SEMA3A: variants seen among roughly 807,000 people sequenced by gnomAD.
SEMA3A encodes semaphorin-3A.
A neutral mutation model predicts 97.9 loss-of-function variants in SEMA3A; 29 were observed. The observed-to-expected ratio is 0.30, with a 90% CI of 0.22 to 0.40. The LOEUF is 0.40. Ranked by LOEUF, SEMA3A falls within the 10% of genes least tolerant of loss-of-function variation. The probability of loss-of-function intolerance (pLI) is 1.00; values close to 1 mark genes in which losing one functional copy is unlikely to be tolerated. For synonymous variants in SEMA3A, 321 were observed against 323.7 expected (o/e 0.99, Z 0.09); for missense variants, 763 against 951.3 (o/e 0.80, Z 2.60).
chr7:84,480,839 A>T (rs981428142), intron 1 of SEMA3A, among the ~76,000 whole-genome samples: 1 of 152,224 alleles, frequency 6.6e-6, no homozygotes, highest in East Asian at 1.9e-4. Context: ...AGTATTAAAT[A>T]GGATGAGTGT....
intron 1 of SEMA3A, among the ~76,000 whole-genome samples, chr7:84,490,058 GA>G (rs1485291256): frequency 6.6e-6 from 1 of 151,576 alleles, no homozygotes; most frequent in African/African-American, 2.4e-5. Flanking sequence ...CATAATACAT[GA>G]AAAAATTGTA....
At chr7:84,361,060 A>G (rs549975) in intron 2 of SEMA3A, among the ~76,000 whole-genome samples, 43,505 of 151,806 alleles carry the variant, frequency 0.29, 6,674 homozygotes, top group African/African-American at 0.38. Flanking sequence ...TCTGTTGAAT[A>G]CTTGAAAATG....
At chr7:84,113,657 T>C (rs1054460089) in intron 3 of SEMA3A, among the ~76,000 whole-genome samples, 2 of 152,178 alleles carry the variant, frequency 1.3e-5, no homozygotes, top group African/African-American at 4.8e-5. Context: ...TTTCAAACCT[T>C]GATCCTTTTT....
At chr7:84,488,224 C>T (rs1283160478) in intron 1 of SEMA3A, among the ~76,000 whole-genome samples, 1 of 151,648 alleles carries the variant, frequency 6.6e-6, no homozygotes, top group Non-Finnish European at 1.5e-5. Flanking sequence ...ATGTTTTTCA[C>T]TAGAGAGACA....
chr7:84,410,108 T>C (rs1804219631), intron 1 of SEMA3A, among the ~76,000 whole-genome samples: 1 of 152,058 alleles, frequency 6.6e-6, no homozygotes, highest in Admixed American at 6.6e-5. Context: ...AGACTGTTAA[T>C]TGTTTTGTTC....
chr7:84,286,429 G>GT (rs1277102335), intron 3 of SEMA3A, among the ~76,000 whole-genome samples: 1 of 152,088 alleles, frequency 6.6e-6, no homozygotes, highest in Non-Finnish European at 1.5e-5. Context: ...TGACAATGTT[G>GT]TATCTAAAAT....
intron 7 of SEMA3A, among the ~76,000 whole-genome samples, chr7:84,011,806 G>C (rs74483389): frequency 0.069 from 10,511 of 152,208 alleles, 537 homozygotes; most frequent in African/African-American, 0.15. Flanking sequence ...GTGTTAATTA[G>C]TTGATTTAAT....
chr7:84,074,283 C>T (rs1793858423), intron 4 of SEMA3A, among the ~76,000 whole-genome samples: 1 of 151,988 alleles, frequency 6.6e-6, no homozygotes, highest in African/African-American at 2.4e-5. Context: ...CTTGGATCTT[C>T]AAAAGAATAT....
intron 3 of SEMA3A, among the ~76,000 whole-genome samples, chr7:84,250,637 G>A (rs1243330632): frequency 6.6e-6 from 1 of 152,144 alleles, no homozygotes; most frequent in Non-Finnish European, 1.5e-5. Context: ...ACATTTGGGA[G>A]GCAAATATTT....
At chr7:84,386,888 T>C (rs923855821) in intron 1 of SEMA3A, among the ~76,000 whole-genome samples, 1 of 151,936 alleles carries the variant, frequency 6.6e-6, no homozygotes, top group Non-Finnish European at 1.5e-5. Context: ...TAATCCCAGC[T>C]ACTAGGGAGG....
intron 4 of SEMA3A, among the ~76,000 whole-genome samples, chr7:84,107,224 T>G (rs2115926211): frequency 6.6e-6 from 1 of 152,318 alleles, no homozygotes; most frequent in African/African-American, 2.4e-5. Context: ...TTTTTTCAAC[T>G]TCACCAACAG....
chr7:84,194,619 A>G lies in SEMA3A; in HGVS notation c.-33T>C. On this transcript the variant is annotated 5_prime_UTR_variant, in exon 1 of 17. Transcript: ENST00000265362. ...ACGCTGTAGGTCCCTTTGCTGCTTT[A>G]GTCTTCCTTCCTGTATTGTGCGGCC... The G allele has an allele frequency of 7.5e-7, 1 of 1,336,426 alleles. No homozygotes were observed. The highest frequency in any genetic ancestry group is 1.1e-6 in the Non-Finnish European group (1 of 928,064). The allele number at this position is 1,336,426 out of a possible 1,614,324, so 82.8% of individuals were successfully genotyped here. A position where few individuals can be genotyped will look rare whatever the true frequency, so the allele number is the denominator to read the frequency against.
intron 14 of SEMA3A, among the ~76,000 whole-genome samples, chr7:83,979,681 T>A (rs976106263): frequency 6.6e-6 from 1 of 152,226 alleles, no homozygotes; most frequent in Non-Finnish European, 1.5e-5. Context: ...TTCTGAATGT[T>A]AAAGGTTTAA....
intron 2 of SEMA3A, among the ~76,000 whole-genome samples, chr7:84,321,614 C>T (rs1001951572): frequency 1.3e-5 from 2 of 151,964 alleles, no homozygotes; most frequent in East Asian, 1.9e-4. Context: ...CAGTGGCTCA[C>T]GCCTGTCATC....
chr7:84,065,501 A>G (rs1408756262), intron 4 of SEMA3A, among the ~76,000 whole-genome samples: 1 of 150,942 alleles, frequency 6.6e-6, no homozygotes, highest in Non-Finnish European at 1.5e-5. Context: ...TGAAAGGATC[A>G]ACAAAATTGA....
At chr7:84,078,659 T>G (rs1794037071) in intron 4 of SEMA3A, among the ~76,000 whole-genome samples, 1 of 152,090 alleles carries the variant, frequency 6.6e-6, no homozygotes, top group Admixed American at 6.6e-5. Flanking sequence ...TTTGAAACTC[T>G]AGTTTAATTG....
At chr7:84,465,163 A>T (rs2116396906) in intron 1 of SEMA3A, among the ~76,000 whole-genome samples, 1 of 152,296 alleles carries the variant, frequency 6.6e-6, no homozygotes, top group Middle Eastern at 3.4e-3. Context: ...TTCTAGTATC[A>T]GTTTCATGTA....
At chr7:84,078,883 T>G (rs948977622) in intron 4 of SEMA3A, among the ~76,000 whole-genome samples, 1 of 152,124 alleles carries the variant, frequency 6.6e-6, no homozygotes, top group African/African-American at 2.4e-5. Flanking sequence ...ATTTAATGAT[T>G]GCAAAATACA....
chr7:84,109,861 T>G (rs538433648), intron 4 of SEMA3A, among the ~76,000 whole-genome samples: 1 of 152,364 alleles, frequency 6.6e-6, no homozygotes, highest in Non-Finnish European at 1.5e-5. Flanking sequence ...ACCTTTTCTT[T>G]ATCTTGATTT....
Sources: allele counts gnomAD v4.1 joint callset (sites outside exome capture counted in the v4.1 genomes callset), GRCh38; gene constraint gnomAD v4.1.1; transcripts MANE v1.5; gene names NCBI Gene and HGNC (gene_info 2026-07-23, HGNC 2026-07-21).